Variants in CHCHD3 observed in about 807,000 individuals in gnomAD.
CHCHD3 encodes the protein MICOS complex subunit MIC19.
A neutral mutation model predicts 38.2 loss-of-function variants in CHCHD3; 20 were observed. The ratio of observed to expected loss-of-function variants is 0.52; its 90% CI spans 0.37 to 0.76. CHCHD3 has a LOEUF of 0.76. Ranked by LOEUF, CHCHD3 falls within the 30% of genes least tolerant of loss-of-function variation. The pLI is 0.00. For missense variants in CHCHD3, 245 were observed against 279.2 expected (o/e 0.88, Z 0.87); for synonymous variants, 82 against 100.0 (o/e 0.82, Z 1.07).
intron 4 of CHCHD3, among the ~76,000 whole-genome samples, chr7:132,935,767 A>C (rs1372324145): frequency 6.6e-6 from 1 of 152,206 alleles, no homozygotes; most frequent in Non-Finnish European, 1.5e-5. Flanking sequence ...GCTGTAACAG[A>C]ATACCAAAGA....
intron 3 of CHCHD3, among the ~76,000 whole-genome samples, chr7:133,010,102 G>A (rs1315271679): frequency 6.6e-6 from 1 of 152,178 alleles, no homozygotes; most frequent in African/African-American, 2.4e-5. Context: ...TGTTGGGAAC[G>A]GGCTTGGAGT....
intron 6 of CHCHD3, among the ~76,000 whole-genome samples, chr7:132,816,264 A>G (rs1202303333): frequency 2.0e-5 from 3 of 152,110 alleles, no homozygotes; most frequent in Non-Finnish European, 4.4e-5. Flanking sequence ...CAAAGCCAGG[A>G]AAAAAAATCA....
At chr7:132,791,878 C>T (rs975874226) in intron 7 of CHCHD3, among the ~76,000 whole-genome samples, 1 of 152,204 alleles carries the variant, frequency 6.6e-6, no homozygotes, top group African/African-American at 2.4e-5. Flanking sequence ...AAGTTCCTCA[C>T]TGTGGCCAGG....
intron 6 of CHCHD3, among the ~76,000 whole-genome samples, chr7:132,815,787 TCA>T (rs1238961859): frequency 6.6e-6 from 1 of 152,158 alleles, no homozygotes; most frequent in Non-Finnish European, 1.5e-5. Flanking sequence ...TTACGCACCG[TCA>T]GTCAAGGGTT....
intron 4 of CHCHD3, among the ~76,000 whole-genome samples, chr7:132,931,209 CT>C (rs1343863704): frequency 6.6e-6 from 1 of 152,144 alleles, no homozygotes; most frequent in Non-Finnish European, 1.5e-5. Flanking sequence ...TCGCATTCCC[CT>C]CATCAATAAA....
chr7:132,898,094 G>C (rs1389638806), intron 4 of CHCHD3, among the ~76,000 whole-genome samples: 1 of 152,112 alleles, frequency 6.6e-6, no homozygotes, highest in African/African-American at 2.4e-5. Context: ...CCTGGCTTCA[G>C]GAGTGAAGCT....
chr7:132,816,904 CA>C (rs1355417408), intron 6 of CHCHD3, among the ~76,000 whole-genome samples: 1 of 152,022 alleles, frequency 6.6e-6, no homozygotes, highest in Admixed American at 6.5e-5. Context: ...CGAGAACGGC[CA>C]AATCTTGCCA....
intron 2 of CHCHD3, among the ~76,000 whole-genome samples, chr7:133,056,573 T>G (rs540211583): frequency 6.6e-6 from 1 of 152,228 alleles, no homozygotes; most frequent in East Asian, 1.9e-4. Flanking sequence ...GTCTGGCACA[T>G]AGCCAGTAAT....
intron 3 of CHCHD3, among the ~76,000 whole-genome samples, chr7:132,998,810 G>C (rs1224235565): frequency 1.3e-5 from 2 of 152,138 alleles, no homozygotes; most frequent in African/African-American, 4.8e-5. Flanking sequence ...TGGTCAATGA[G>C]TCAATTTAAT....
chr7:132,854,656 T>G (rs989841153), intron 5 of CHCHD3, among the ~76,000 whole-genome samples: 1 of 152,210 alleles, frequency 6.6e-6, no homozygotes, highest in African/African-American at 2.4e-5. Context: ...TCTCTGAAAT[T>G]CTTCTGCCAT....
At chr7:133,041,880 A>C (rs895858985) in intron 2 of CHCHD3, among the ~76,000 whole-genome samples, 1 of 152,232 alleles carries the variant, frequency 6.6e-6, no homozygotes, top group Non-Finnish European at 1.5e-5. Context: ...CAACTGCTCT[A>C]ATTCAATACT....
intron 4 of CHCHD3, among the ~76,000 whole-genome samples, chr7:132,949,053 A>G (rs1233034449): frequency 6.6e-6 from 1 of 152,216 alleles, no homozygotes; most frequent in Admixed American, 6.6e-5. Context: ...GGAGTTGTCA[A>G]GAAATGTTAA....
chr7:132,827,848 G>A (rs769703126), intron 6 of CHCHD3, among the ~76,000 whole-genome samples: 46 of 152,098 alleles, frequency 3.0e-4, no homozygotes, highest in Non-Finnish European at 5.9e-4. Flanking sequence ...TACATGTATC[G>A]ATAGTTTGCT....
intron 5 of CHCHD3, among the ~76,000 whole-genome samples, chr7:132,866,688 A>G (rs1298277268): frequency 6.6e-6 from 1 of 152,218 alleles, no homozygotes; most frequent in East Asian, 1.9e-4. Flanking sequence ...TCACTCTTGA[A>G]ACCAGAGTGT....
intron 4 of CHCHD3, among the ~76,000 whole-genome samples, chr7:132,966,621 C>T (rs986660425): frequency 6.6e-6 from 1 of 152,094 alleles, no homozygotes; most frequent in African/African-American, 2.4e-5. Flanking sequence ...TTCACTAAAC[C>T]TGAGGTCCAT....
At chr7:132,965,850 G>GT (rs949660491) in intron 4 of CHCHD3, among the ~76,000 whole-genome samples, 8 of 152,172 alleles carry the variant, frequency 5.3e-5, no homozygotes, top group South Asian at 2.1e-4. Flanking sequence ...CAGGCAGAGG[G>GT]TAAGTATGGA....
chr7:133,018,310 G>C (rs1387850054), intron 3 of CHCHD3, among the ~76,000 whole-genome samples: 1 of 152,220 alleles, frequency 6.6e-6, no homozygotes, highest in Non-Finnish European at 1.5e-5. Flanking sequence ...GACATCAGCT[G>C]TGTGTCGCTG....
chr7:132,969,794 T>G lies in CHCHD3; in HGVS notation c.369+5375A>C, dbSNP rs761517344. ...TCCTCCTCTGCTCTTCCCTTCATACTTCATTAGAGTGTAAGCTAAAAATCA... is the reference window on the plus strand; with the variant it reads ...TCCTCCTCTGCTCTTCCCTTCATACGTCATTAGAGTGTAAGCTAAAAATCA... On this transcript the variant is annotated intron_variant, in intron 4 of 7. Coordinates refer to ENST00000262570, the MANE Select transcript of CHCHD3 (RefSeq NM_017812.4). Among the ~76,000 whole-genome samples, 112 of 152,280 alleles carry G rather than the reference T, an allele frequency of 7.4e-4. No individual in the cohort carries two copies. In the Middle Eastern group the frequency reaches 0.027, roughly 37 times the overall value.
intron 5 of CHCHD3, among the ~76,000 whole-genome samples, chr7:132,866,296 G>A (rs1808624335): frequency 6.6e-6 from 1 of 152,044 alleles, no homozygotes; most frequent in Admixed American, 6.6e-5. Flanking sequence ...TTCACTTCCT[G>A]GTTTTGCCAC....
Sources: allele counts gnomAD v4.1 joint callset (sites outside exome capture counted in the v4.1 genomes callset), GRCh38; gene constraint gnomAD v4.1.1; transcripts MANE v1.5; gene names NCBI Gene and HGNC (gene_info 2026-07-23, HGNC 2026-07-21).